EPHB1: variants seen among roughly 807,000 people sequenced by gnomAD.
EPHB1 encodes the protein EPH receptor B1, also known as ephrin type-B receptor 1.
In EPHB1, 30 loss-of-function variants were observed where a neutral mutation model predicts 94.4. The observed-to-expected ratio is 0.32, with a 90% CI of 0.24 to 0.43. The LOEUF is 0.43. Among genes scored for constraint, EPHB1 ranks in the 20% least tolerant of loss-of-function variants. The pLI, the probability that EPHB1 is intolerant of heterozygous loss-of-function variation, is 1.00. For missense variants in EPHB1, 1,055 were observed against 1,308.3 expected, an observed-to-expected ratio of 0.81 and a Z score of 2.99; for synonymous variants, 522 against 489.1, an observed-to-expected ratio of 1.07 and a Z score of -0.89.
intron 3 of EPHB1, among the ~76,000 whole-genome samples, chr3:135,016,176 T>A (rs1276974010): frequency 6.6e-6 from 1 of 152,204 alleles, no homozygotes; most frequent in Non-Finnish European, 1.5e-5. Flanking sequence ...TCTACTTTAA[T>A]GTCATAGTTT....
chr3:135,020,082 G>A (rs1381819180), intron 3 of EPHB1, among the ~76,000 whole-genome samples: 7 of 152,128 alleles, frequency 4.6e-5, no homozygotes, highest in African/African-American at 1.7e-4. Context: ...TACAACAAAC[G>A]GTGTTGGTTA....
At chr3:135,217,594 C>G (rs541180640) in intron 12 of EPHB1, among the ~76,000 whole-genome samples, 5 of 152,120 alleles carry the variant, frequency 3.3e-5, no homozygotes, top group African/African-American at 1.2e-4. Flanking sequence ...ACGCAATCAC[C>G]CAGGGCTACC....
At chr3:135,003,948 G>C (rs1014798209) in intron 3 of EPHB1, among the ~76,000 whole-genome samples, 1 of 151,810 alleles carries the variant, frequency 6.6e-6, no homozygotes, top group Non-Finnish European at 1.5e-5. Flanking sequence ...GGAGCATTTA[G>C]TCCATTTACA....
intron 1 of EPHB1, among the ~76,000 whole-genome samples, chr3:134,912,741 C>A (rs1020995278): frequency 6.6e-6 from 1 of 152,220 alleles, no homozygotes; most frequent in Non-Finnish European, 1.5e-5. Flanking sequence ...CCTTTCTGTG[C>A]CCACTGACAT....
At chr3:135,230,613 A>G (rs575026949) in intron 12 of EPHB1, among the ~76,000 whole-genome samples, 1 of 152,182 alleles carries the variant, frequency 6.6e-6, no homozygotes, top group Non-Finnish European at 1.5e-5. Flanking sequence ...TTTGGCTTTT[A>G]CTTTAGATAC....
intron 1 of EPHB1, among the ~76,000 whole-genome samples, chr3:134,838,622 G>A (rs1050737984): frequency 4.1e-5 from 6 of 147,976 alleles, no homozygotes; most frequent in Non-Finnish European, 6.0e-5. Flanking sequence ...TAATTGCTTA[G>A]CACCCTTCTC....
At chr3:135,027,988 C>T (rs1936258313) in intron 3 of EPHB1, among the ~76,000 whole-genome samples, 1 of 145,644 alleles carries the variant, frequency 6.9e-6, no homozygotes, top group African/African-American at 2.5e-5. Context: ...TCCATTTCTT[C>T]TAGATTTTCT....
chr3:135,132,716 G>C lies in EPHB1; in HGVS notation c.964G>C (p.Val322Leu), dbSNP rs770155473. ...GGACCTTCTTTGTCTCCCTGCAGGC[G>C]TCCCATCAGGTCCCCGCAATGTTAT... ...FDPPEVACTS[V>L]PSGPRNVISI... Residue 322 changes from valine (V) to leucine (L), a missense_variant and splice_region_variant, in exon 5 of 16, where the codon GTC becomes CTC. Val to Leu is a conservative substitution (Grantham distance 32). Coordinates refer to ENST00000398015, the MANE Select transcript of EPHB1 (RefSeq NM_004441.5). The C allele has an allele frequency of 6.3e-7, 1 of 1,577,948 alleles. No individual in the cohort carries two copies. The highest frequency in any genetic ancestry group is 8.6e-7 in the Non-Finnish European group (1 of 1,156,854).
Position 135,022,110 on chromosome 3 carries a change from G to C in EPHB1, c.805+70058G>C, listed in dbSNP as rs1024106494. On this transcript the variant is annotated intron_variant, in intron 3 of 15. Transcript: ENST00000398015. ...TTCTTCTGCCCCAGCCTCCCGAGTA[G>C]CTGGGACTACAGGCGCCCGCCACCA... Among the ~76,000 whole-genome samples the C allele has an allele frequency of 2.0e-5, 3 of 152,244 alleles. No individual in the cohort carries two copies. The East Asian group carries it at 5.8e-4, about 29-fold the overall frequency.
At chr3:134,982,656 G>C (rs1934450906) in intron 3 of EPHB1, among the ~76,000 whole-genome samples, 1 of 152,092 alleles carries the variant, frequency 6.6e-6, no homozygotes, top group Admixed American at 6.6e-5. Flanking sequence ...TCCTCACTCG[G>C]CTGCTAAAAA....
chr3:135,136,768 C>T (rs1940635083), intron 5 of EPHB1, among the ~76,000 whole-genome samples: 1 of 152,188 alleles, frequency 6.6e-6, no homozygotes, highest in Admixed American at 6.5e-5. Flanking sequence ...TTTTAGCTGT[C>T]AAAAACTGTC....
In EPHB1 at chr3:135,050,069, G is replaced by T. The variant is rs540695781; in HGVS notation, c.806-56379G>T. On this transcript the variant is annotated intron_variant, in intron 3 of 15. Coordinates refer to ENST00000398015, the MANE Select transcript of EPHB1 (RefSeq NM_004441.5). ...TGAAGTTTAAGGTCATGTGCAGTTTGTTTCCTGTTGCTGGCATCCAAATTG... is the reference window on the plus strand; with the variant it reads ...TGAAGTTTAAGGTCATGTGCAGTTTTTTTCCTGTTGCTGGCATCCAAATTG... Among the ~76,000 whole-genome samples, 471 of 152,280 alleles carry T rather than the reference G, an allele frequency of 3.1e-3. 3 individuals carry two copies. Among genetic ancestry groups the T allele is most frequent in the African/African-American group, 0.011 (448 of 41,538 alleles).
intron 4 of EPHB1, among the ~76,000 whole-genome samples, chr3:135,112,747 C>T (rs1012363073): frequency 4.6e-5 from 7 of 151,880 alleles, no homozygotes; most frequent in African/African-American, 1.5e-4. Flanking sequence ...GCATAGTATT[C>T]CATGGTGTAT....
At chr3:135,070,228 C>A (rs1209898343) in intron 3 of EPHB1, among the ~76,000 whole-genome samples, 1 of 152,178 alleles carries the variant, frequency 6.6e-6, no homozygotes, top group Non-Finnish European at 1.5e-5. Flanking sequence ...TCTGTTGCTG[C>A]CTAAAAAAGT....
At chr3:134,972,326 G>A (rs73214158) in intron 3 of EPHB1, among the ~76,000 whole-genome samples, 8 of 77,134 alleles carry the variant, frequency 1.0e-4, no homozygotes, top group Admixed American at 4.0e-4. Flanking sequence ...CTCTAAGAGT[G>A]TGTGTGTATA....
intron 10 of EPHB1, among the ~76,000 whole-genome samples, chr3:135,188,277 A>G (rs761594359): frequency 4.0e-5 from 6 of 151,144 alleles, no homozygotes; most frequent in Non-Finnish European, 7.4e-5. Context: ...TGGGCAGATC[A>G]CGAGGTCAGG....
At chr3:134,825,050 G>T (rs1197912169) in intron 1 of EPHB1, among the ~76,000 whole-genome samples, 1 of 152,188 alleles carries the variant, frequency 6.6e-6, no homozygotes, top group African/African-American at 2.4e-5. Flanking sequence ...TAAATTTTGC[G>T]GGTAATTTGT....
chr3:135,018,474 T>A (rs1298340064), intron 3 of EPHB1, among the ~76,000 whole-genome samples: 2 of 152,108 alleles, frequency 1.3e-5, no homozygotes, highest in Non-Finnish European at 2.9e-5. Flanking sequence ...AGATGTCACC[T>A]TCCTCCCTTT....
At chr3:135,232,359 G>C (rs946012108) in intron 12 of EPHB1, among the ~76,000 whole-genome samples, 1 of 152,222 alleles carries the variant, frequency 6.6e-6, no homozygotes, top group Non-Finnish European at 1.5e-5. Flanking sequence ...GTGCCACATG[G>C]ATGCCCCCTG....
Sources: allele counts gnomAD v4.1 joint callset (sites outside exome capture counted in the v4.1 genomes callset), GRCh38; gene constraint gnomAD v4.1.1; transcripts MANE v1.5; gene names NCBI Gene and HGNC (gene_info 2026-07-23, HGNC 2026-07-21).